Variants in SCOC observed in about 807,000 individuals in gnomAD.
SCOC encodes short coiled-coil protein.
Under a neutral mutation model 9.9 loss-of-function variants are expected in SCOC, and 7 were observed. The ratio of observed to expected loss-of-function variants is 0.71; its 90% confidence interval spans 0.40 to 1.33. SCOC has a LOEUF of 1.33. Among genes scored for constraint, SCOC ranks in the 40% most tolerant of loss-of-function variants. SCOC has a pLI of 0.01. For synonymous variants in SCOC, 19 were observed against 28.2 expected, an observed-to-expected ratio of 0.67 and a Z score of 1.03; for missense variants, 66 against 89.7, an observed-to-expected ratio of 0.74 and a Z score of 1.07.
intron 1 of SCOC, among the ~76,000 whole-genome samples, chr4:140,315,722 C>G (rs1239531262): frequency 2.0e-5 from 3 of 152,216 alleles, no homozygotes; most frequent in Non-Finnish European, 4.4e-5. Context: ...TAACCTACCA[C>G]TCTCAGCTTG....
rs576648067 is a variant in SCOC at position 140,321,638 on chromosome 4, G to T, written c.-18-21983G>T. The stretch of plus-strand genomic sequence containing the variant: ...TAGGTCAATAAAATTTACTCAAACT[G>T]AAACAGAAGGAGAACAGAGTGGAAA... On this transcript the variant is annotated intron_variant, in intron 1 of 4. Transcript: ENST00000394205. Among the ~76,000 whole-genome samples the T allele has an allele frequency of 5.9e-5, 9 of 152,148 alleles. No homozygotes were observed. The South Asian group carries it at 1.9e-3, about 32-fold the overall frequency.
At chr4:140,317,503 G>A (rs1268269590) in intron 1 of SCOC, among the ~76,000 whole-genome samples, 2 of 151,888 alleles carry the variant, frequency 1.3e-5, no homozygotes, top group Non-Finnish European at 2.9e-5. Context: ...AATCGATCAC[G>A]ACCCTCTCTT....
chr4:140,352,084 C>A (rs549652176), intron 2 of SCOC, among the ~76,000 whole-genome samples: 1 of 152,160 alleles, frequency 6.6e-6, no homozygotes, highest in Non-Finnish European at 1.5e-5. Flanking sequence ...AAGGAAGTGG[C>A]GAGCGCTGGC....
intron 1 of SCOC, among the ~76,000 whole-genome samples, chr4:140,313,332 C>T (rs74431247): frequency 0.083 from 12,657 of 152,240 alleles, 605 homozygotes; most frequent in African/African-American, 0.14. Context: ...GCAACCTCTG[C>T]TTCCCGGGTT....
At chr4:140,364,233 T>G (rs1727690085) in intron 2 of SCOC, among the ~76,000 whole-genome samples, 1 of 152,016 alleles carries the variant, frequency 6.6e-6, no homozygotes. Flanking sequence ...AGTCATTATA[T>G]GACAACTTAG....
At chr4:140,292,801 C>T (rs879243335) in intron 1 of SCOC, among the ~76,000 whole-genome samples, 1 of 152,198 alleles carries the variant, frequency 6.6e-6, no homozygotes, top group Admixed American at 6.5e-5. Context: ...TTGGGACCAT[C>T]CACCCAGATG....
chr4:140,355,671 T>C lies in SCOC; in HGVS notation c.70+11963T>C, dbSNP rs553154059. On this transcript the variant is annotated intron_variant, in intron 2 of 4. Coordinates refer to the SCOC transcript ENST00000338517. The stretch of plus-strand genomic sequence containing the variant: ...TTATGAGGTCATTGTTTCAAAAATG[T>C]AATCATAGAATCAGAGGGCAAGAAG... Among the ~76,000 whole-genome samples, 5 of 152,326 alleles carry C rather than the reference T, an allele frequency of 3.3e-5. No homozygotes were observed. The South Asian group carries it at 1.0e-3, about 32-fold the overall frequency.
chr4:140,262,992 G>A (rs537930246), intron 1 of SCOC, among the ~76,000 whole-genome samples: 7 of 152,258 alleles, frequency 4.6e-5, no homozygotes, highest in East Asian at 1.9e-4. Flanking sequence ...ATCACAACTC[G>A]AGATGAGATT....
At chr4:140,355,211 T>A (rs192192086) in intron 2 of SCOC, among the ~76,000 whole-genome samples, 28,536 of 61,092 alleles carry the variant, frequency 0.47, 3,326 homozygotes, top group East Asian at 0.54. Context: ...CATTATATTT[T>A]TATATATATA....
chr4:140,353,090 C>A (rs907318009), intron 2 of SCOC, among the ~76,000 whole-genome samples: 5 of 152,146 alleles, frequency 3.3e-5, no homozygotes, highest in Non-Finnish European at 5.9e-5. Context: ...TTCCTGCCTG[C>A]TTGACTTGTT....
intron 1 of SCOC, among the ~76,000 whole-genome samples, chr4:140,301,564 T>C (rs922532783): frequency 3.9e-5 from 6 of 152,166 alleles, no homozygotes; most frequent in Admixed American, 2.6e-4. Context: ...TTCCAGAACA[T>C]TGTCACCAGC....
chr4:140,330,010 T>C (rs150308392), intron 1 of SCOC, among the ~76,000 whole-genome samples: 1 of 152,310 alleles, frequency 6.6e-6, no homozygotes, highest in African/African-American at 2.4e-5. Context: ...ACACGCATGT[T>C]TATAGCAGCA....
chr4:140,340,305 T>G (rs1726454005), upstream of SCOC, among the ~76,000 whole-genome samples: 3 of 149,030 alleles, frequency 2.0e-5, no homozygotes, highest in African/African-American at 2.5e-5. Flanking sequence ...TGTTGTGGGG[T>G]GGGGGGATGG....
At chr4:140,369,039 T>C (rs1348011225), upstream of SCOC, among the ~76,000 whole-genome samples, 3 of 152,142 alleles carry the variant, frequency 2.0e-5, no homozygotes, top group Non-Finnish European at 4.4e-5. Context: ...TTGAAATCCT[T>C]TGGAATTCTT....
intron 1 of SCOC, among the ~76,000 whole-genome samples, chr4:140,336,494 C>T (rs1483063878): frequency 6.6e-6 from 1 of 152,134 alleles, no homozygotes; most frequent in Non-Finnish European, 1.5e-5. Context: ...CCTTTTGTGC[C>T]TGGCTTCCTT....
chr4:140,344,779 C>G (rs1726653822), intron 2 of SCOC, among the ~76,000 whole-genome samples: 1 of 152,216 alleles, frequency 6.6e-6, no homozygotes, highest in Non-Finnish European at 1.5e-5. Context: ...GAAACAAAGA[C>G]AGGGGAAACC....
chr4:140,372,405 A>G (rs978105548), upstream of SCOC, among the ~76,000 whole-genome samples: 10 of 152,220 alleles, frequency 6.6e-5, no homozygotes, highest in South Asian at 2.1e-4. Flanking sequence ...CTGCTCAAGA[A>G]TAAGTACTTC....
At chr4:140,287,685 TACAC>T (rs1168307895) in intron 1 of SCOC, among the ~76,000 whole-genome samples, 1 of 151,926 alleles carries the variant, frequency 6.6e-6, no homozygotes, top group African/African-American at 2.4e-5. Context: ...TATGTACACA[TACAC>T]ACACCAAACA....
At chr4:140,277,863 G>T (rs1474142382) in intron 1 of SCOC, among the ~76,000 whole-genome samples, 2 of 152,136 alleles carry the variant, frequency 1.3e-5, no homozygotes, top group Admixed American at 6.5e-5. Flanking sequence ...GAGATTTGTT[G>T]GCTCTTTCAC....
Sources: gnomAD v4.1 joint callset for allele counts (sites outside exome capture counted in the v4.1 genomes callset) on GRCh38, gnomAD v4.1.1 for gene constraint, MANE v1.5 for transcripts, NCBI Gene and HGNC (gene_info 2026-07-23, HGNC 2026-07-21) for gene names.